PIK3C3: variants seen among roughly 807,000 people sequenced by gnomAD.
PIK3C3 encodes PI3-kinase type 3.
PIK3C3 carries 95 observed loss-of-function variants against 126.1 expected under a neutral mutation model. The observed-to-expected ratio is 0.75, with a 90% CI of 0.64 to 0.89. The LOEUF is 0.89. Among genes scored for constraint, PIK3C3 ranks in the 40% least tolerant of loss-of-function variants. The pLI, the probability that PIK3C3 is intolerant of heterozygous loss-of-function variation, is 0.00. For synonymous variants in PIK3C3, 374 were observed against 360.0 expected (o/e 1.04, Z -0.44); for missense variants, 829 against 1,063.2 (o/e 0.78, Z 3.06).
chr18:42,068,964 A>G (rs1985662446), intron 24 of PIK3C3, among the ~76,000 whole-genome samples: 1 of 151,920 alleles, frequency 6.6e-6, no homozygotes, highest in South Asian at 2.1e-4. Context: ...AAAAAAAAAA[A>G]AAAAGAAATA....
intron 24 of PIK3C3, among the ~76,000 whole-genome samples, chr18:42,079,921 T>C (rs1348751467): frequency 1.3e-5 from 2 of 151,514 alleles, no homozygotes; most frequent in Non-Finnish European, 2.9e-5. Context: ...ATGGAATGAG[T>C]TCCCTCTTAT....
At chr18:42,027,706 G>A (rs1983635128) in intron 14 of PIK3C3, among the ~76,000 whole-genome samples, 158 bp downstream of exon 14, 1 of 152,114 alleles carries the variant, frequency 6.6e-6, no homozygotes, top group Non-Finnish European at 1.5e-5. Context: ...CCAGGCCGGA[G>A]TACAGTGGTG....
chr18:42,054,440 C>T (rs947249541), intron 21 of PIK3C3, among the ~76,000 whole-genome samples: 1 of 151,600 alleles, frequency 6.6e-6, no homozygotes, highest in African/African-American at 2.4e-5. Flanking sequence ...TTGTGCCCAT[C>T]TAGATTAAAG....
chr18:42,008,450 A>G (rs1982652599), intron 10 of PIK3C3, among the ~76,000 whole-genome samples: 1 of 152,190 alleles, frequency 6.6e-6, no homozygotes. Context: ...GTAGCCATTG[A>G]GAGGCAAAAT....
chr18:42,040,882 A>T, intron 19 of PIK3C3, 141 bp downstream of exon 19: 2 of 614,658 alleles, frequency 3.3e-6, no homozygotes, highest in East Asian at 5.6e-5. Context: ...TTTATTCAGA[A>T]GTAAGCATGT....
At chr18:41,963,114 A>G (rs897779479) in intron 3 of PIK3C3, among the ~76,000 whole-genome samples, 8 of 152,152 alleles carry the variant, frequency 5.3e-5, no homozygotes, top group African/African-American at 1.9e-4. Flanking sequence ...CATAGTCCCA[A>G]AGGATATTTT....
intron 20 of PIK3C3, 159 bp from the exon 21 acceptor site, chr18:42,049,372 G>A: frequency 4.3e-6 from 2 of 461,926 alleles, no homozygotes; most frequent in South Asian, 4.5e-5. Flanking sequence ...AGTTTCAAGT[G>A]ACAGACATGA....
rs1022064033 is a variant in PIK3C3, at chr18:42,082,945, CACTG to C, written c.*1811_*1814del. Reference sequence around the variant, plus strand: ...AAACATGAAATTCTAGAAGGGCAGACACTGACAACTAGTAAGGAAGTTGATCATG... The same window carrying C: ...AAACATGAAATTCTAGAAGGGCAGACACAACTAGTAAGGAAGTTGATCATG... On this transcript the variant is annotated 3_prime_UTR_variant, in exon 25 of 25. Coordinates refer to ENST00000262039, the MANE Select transcript of PIK3C3 (RefSeq NM_002647.4). 1 of 152,168 alleles carries C rather than the reference CACTG, an allele frequency of 6.6e-6. No individual in the cohort carries two copies. Among genetic ancestry groups the C allele is most frequent in the East Asian group, 1.9e-4 (1 of 5,188 alleles). The allele number at this position is 152,168 out of a possible 1,614,324, so 9.4% of individuals were successfully genotyped here.
In PIK3C3 at chr18:42,052,757, T is replaced by C. The variant is rs1984860841; in HGVS notation, c.2263+3152T>C. On this transcript the variant is annotated intron_variant, in intron 21 of 24. Coordinates refer to ENST00000262039, the MANE Select transcript of PIK3C3 (RefSeq NM_002647.4). ...TGAATGTGGTTCAGTGCAGGAAATA[T>C]ATTCCAATGTTTTTAGTTTAAAAAA... 2.0e-5 allele frequency: 3 copies of C among 152,318 alleles called. No homozygotes were observed. The East Asian group carries it at 5.8e-4, about 29-fold the overall frequency. 9.4% of individuals were successfully genotyped at this position (152,318 alleles called of 1,614,324 possible).
chr18:42,076,411 C>G (rs552991606), intron 24 of PIK3C3, among the ~76,000 whole-genome samples: 1 of 151,868 alleles, frequency 6.6e-6, no homozygotes, highest in African/African-American at 2.4e-5. Context: ...GCTGTGTAAA[C>G]AGACAAGTAA....
intron 9 of PIK3C3, 48 bp downstream of exon 9, chr18:41,996,778 G>A: frequency 1.1e-6 from 1 of 932,228 alleles, no homozygotes; most frequent in South Asian, 1.6e-5. Context: ...TACCAACTTT[G>A]TTATTAATGA....
intron 12 of PIK3C3, among the ~76,000 whole-genome samples, chr18:42,019,165 C>T (rs886803451): frequency 3.3e-5 from 5 of 152,100 alleles, no homozygotes; most frequent in Admixed American, 3.3e-4. Context: ...TGTTTTCTTA[C>T]ACAGAAGAAA....
At chr18:41,974,220 C>G (rs1980806068) in intron 4 of PIK3C3, among the ~76,000 whole-genome samples, 1 of 152,122 alleles carries the variant, frequency 6.6e-6, no homozygotes, top group African/African-American at 2.4e-5. Context: ...AAAGAACTTC[C>G]ACTACAAGCC....
intron 19 of PIK3C3, among the ~76,000 whole-genome samples, chr18:42,041,486 A>AT (rs34932250): frequency 0.17 from 22,673 of 135,334 alleles, 1,871 homozygotes; most frequent in East Asian, 0.32. Flanking sequence ...ATATGTTTGG[A>AT]TTTTTTTTTT....
At chr18:41,972,505 G>C (rs188036126) in intron 4 of PIK3C3, among the ~76,000 whole-genome samples, 1 of 152,190 alleles carries the variant, frequency 6.6e-6, no homozygotes, top group African/African-American at 2.4e-5. Flanking sequence ...ATTAATGAGA[G>C]TGAGCAGCTT....
chr18:42,039,707 C>T (rs1036793142), intron 18 of PIK3C3, among the ~76,000 whole-genome samples: 2 of 152,284 alleles, frequency 1.3e-5, no homozygotes, highest in Non-Finnish European at 2.9e-5. Flanking sequence ...AGATGTCCTT[C>T]GATCCCTACT....
At chr18:42,074,275 C>T (rs945535404) in intron 24 of PIK3C3, among the ~76,000 whole-genome samples, 3 of 152,128 alleles carry the variant, frequency 2.0e-5, no homozygotes, top group Admixed American at 1.3e-4. Flanking sequence ...TAGGACCATA[C>T]ATAGCTAATA....
chr18:42,086,067 G>A lies in PIK3C3; in HGVS notation c.*4930G>A, dbSNP rs950533781. On this transcript the variant is annotated 3_prime_UTR_variant, in exon 25 of 25. Transcript: ENST00000262039. ...GCCTGGGAGGCAGAGGTTGCAGTGA[G>A]CTGAGATTGCACCATTGCACTGCAG... The A allele has an allele frequency of 6.6e-6, 1 of 152,206 alleles. No individual in the cohort carries two copies. The highest frequency in any genetic ancestry group is 1.5e-5 in the Non-Finnish European group (1 of 68,080). The allele number at this position is 152,206 out of a possible 1,614,324, so 9.4% of individuals were successfully genotyped here.
At chr18:42,041,596 A>AT (rs939795431) in intron 19 of PIK3C3, among the ~76,000 whole-genome samples, 7 of 151,620 alleles carry the variant, frequency 4.6e-5, no homozygotes, top group Non-Finnish European at 1.0e-4. Flanking sequence ...TGTAAAAAAA[A>AT]AAAAAAAGGT....
Sources: allele counts gnomAD v4.1 joint callset (sites outside exome capture counted in the v4.1 genomes callset), GRCh38; gene constraint gnomAD v4.1.1; transcripts MANE v1.5; gene names NCBI Gene and HGNC (gene_info 2026-07-23, HGNC 2026-07-21).